ENG: variants seen among roughly 807,000 people sequenced by gnomAD.
ENG encodes CD105 antigen.
A neutral mutation model predicts 71.0 loss-of-function variants in ENG; 17 were observed. That is an observed-to-expected ratio of 0.24 (90% CI 0.16 to 0.36). ENG has a LOEUF of 0.36. ENG is among the 10% of genes least tolerant of loss of function. ENG has a pLI of 1.00. For synonymous variants in ENG, 360 were observed against 366.9 expected, an observed-to-expected ratio of 0.98 and a Z score of 0.21; for missense variants, 749 against 868.3, an observed-to-expected ratio of 0.86 and a Z score of 1.73.
chr9:127,818,109 G>T lies in ENG; in HGVS notation c.1686+11C>A. On this transcript the variant is annotated intron_variant, in intron 12 of 14. Coordinates refer to ENST00000373203, the MANE Select transcript of ENG (RefSeq NM_001114753.3). ...CCACTTGAAGCTGGGGCCGGCCCAG[G>T]CCCCACTCACCTGGTCTTGAGACCC... 6.2e-7 allele frequency: 1 copy of T among 1,614,082 alleles called. No homozygotes were observed.
At chr9:127,839,664 T>A (rs1021805098) in intron 2 of ENG, among the ~76,000 whole-genome samples, 1 of 152,216 alleles carries the variant, frequency 6.6e-6, no homozygotes, top group Admixed American at 6.5e-5. Flanking sequence ...CAAACGATTC[T>A]CTTGCCTCAG....
chr9:127,819,188 C>T (rs942577280), intron 10 of ENG: 20 of 334,634 alleles, frequency 6.0e-5, no homozygotes, highest in African/African-American at 2.4e-4. Context: ...CTGCCCGCCT[C>T]GGCCTCCCAA....
intron 2 of ENG, among the ~76,000 whole-genome samples, chr9:127,837,443 G>C (rs1830925210): frequency 6.6e-6 from 1 of 152,104 alleles, no homozygotes; most frequent in African/African-American, 2.4e-5. Context: ...CTCAGCTGAG[G>C]GGGCCCCTGG....
intron 8 of ENG, among the ~76,000 whole-genome samples, chr9:127,822,784 T>C (rs1830497728): frequency 6.6e-6 from 1 of 152,200 alleles, no homozygotes; most frequent in African/African-American, 2.4e-5. Context: ...TTGGCAGCCA[T>C]TGTCTTTGTG....
At chr9:127,849,301 C>G (rs989091616) in intron 1 of ENG, among the ~76,000 whole-genome samples, 3 of 152,208 alleles carry the variant, frequency 2.0e-5, no homozygotes, top group African/African-American at 7.2e-5. Context: ...TTGAATCGCA[C>G]CCTTCTGTAG....
rs1830382951 is a variant in ENG at position 127,818,279 on chromosome 9, G to A, written c.1527C>T (p.Gly509=). ...TCACACAGTTGCCCTTGGCCGCCCG[G>A]CCCTGGATGAGTTCCACGGTGCCTC... ...PEGGTVELIQ[G]RAAKGNCVSL... Residue 509 remains glycine, a synonymous_variant, in exon 12 of 15, where the codon GGC becomes GGT. Coordinates refer to ENST00000373203, the MANE Select transcript of ENG (RefSeq NM_001114753.3). 1.9e-6 allele frequency: 3 copies of A among 1,614,158 alleles called. No individual in the cohort carries two copies. Among genetic ancestry groups the A allele is most frequent in the Admixed American group, 3.3e-5 (2 of 60,028 alleles).
chr9:127,822,194 A>G (rs978612788), intron 8 of ENG: 5 of 152,262 alleles, frequency 3.3e-5, no homozygotes, highest in African/African-American at 1.2e-4. Flanking sequence ...CCAAGCCTCA[A>G]TGATAAGGAG....
At chr9:127,843,050 A>G in intron 2 of ENG, 44 bp downstream of exon 2, 5 of 1,612,814 alleles carry the variant, frequency 3.1e-6, no homozygotes, top group Non-Finnish European at 4.2e-6. Context: ...TCTGCCTTGG[A>G]GCTTCCTCTG....
chr9:127,837,079 C>T (rs975425265), intron 2 of ENG, among the ~76,000 whole-genome samples: 6 of 152,180 alleles, frequency 3.9e-5, no homozygotes, highest in Admixed American at 6.5e-5. Flanking sequence ...TGAGACACCA[C>T]GCCTGGCCTG....
At chr9:127,821,117 A>AT (rs898089971) in intron 8 of ENG, 1 of 152,034 alleles carries the variant, frequency 6.6e-6, no homozygotes, top group African/African-American at 2.4e-5. Flanking sequence ...AAGCAAACTT[A>AT]TTGCACTGCC....
chr9:127,837,089 G>A (rs948921284), intron 2 of ENG, among the ~76,000 whole-genome samples: 2 of 152,172 alleles, frequency 1.3e-5, no homozygotes, highest in African/African-American at 4.8e-5. Flanking sequence ...CGCCTGGCCT[G>A]GTTGGCTTTT....
At chr9:127,850,824 T>A (rs1831266562) in intron 1 of ENG, among the ~76,000 whole-genome samples, 1 of 152,198 alleles carries the variant, frequency 6.6e-6, no homozygotes, top group African/African-American at 2.4e-5. Context: ...CAGGAAAAGG[T>A]GCACGTACCA....
intron 1 of ENG, among the ~76,000 whole-genome samples, chr9:127,851,762 C>T (rs1831291269): frequency 6.6e-6 from 1 of 151,960 alleles, no homozygotes; most frequent in African/African-American, 2.4e-5. Context: ...CCTGTAGTCC[C>T]AGCTACTCGA....
intron 12 of ENG, 164 bp downstream of exon 12, chr9:127,817,956 G>T: frequency 2.7e-6 from 3 of 1,120,366 alleles, no homozygotes; most frequent in Non-Finnish European, 3.8e-6. Flanking sequence ...CTCTCGGGTG[G>T]CAGAAAGTGC....
At chr9:127,824,536 T>G in intron 7 of ENG, 90 bp from the exon 8 acceptor site, 1 of 1,226,502 alleles carries the variant, frequency 8.2e-7, no homozygotes, top group Non-Finnish European at 1.1e-6. Context: ...TTTTTTTTTT[T>G]GAGACGGAGT....
chr9:127,841,598 G>A (rs1167688659), intron 2 of ENG, among the ~76,000 whole-genome samples: 3 of 152,230 alleles, frequency 2.0e-5, no homozygotes, highest in Non-Finnish European at 2.9e-5. Context: ...GCAGGGCGGT[G>A]GGGAGCAGGG....
intron 8 of ENG, among the ~76,000 whole-genome samples, chr9:127,820,717 TACTCGGGAGGCTGAGGC>T (rs1475359480): frequency 6.6e-6 from 1 of 150,888 alleles, no homozygotes; most frequent in Non-Finnish European, 1.5e-5. Flanking sequence ...TAGTCCCAGC[TACTCGGGAGGCTGAGGC>T]AGGAAAATGG....
In ENG at chr9:127,825,343, G is replaced by A. The variant is rs1361480439; in HGVS notation, c.704C>T (p.Thr235Met). 6.8e-6 allele frequency: 11 copies of A among 1,610,236 alleles called. No homozygotes were observed. Among genetic ancestry groups the A allele is most frequent in the South Asian group, 5.5e-5 (5 of 90,884 alleles). The change falls in exon 6 of 15, where the codon ACG becomes ATG. Residue 235 changes from threonine (T) to methionine (M), a missense_variant. Physicochemically the swap from Thr to Met is moderately conservative, Grantham distance 81 (BLOSUM62 -1). Transcript: ENST00000373203. The stretch of plus-strand genomic sequence containing the variant: ...TGCGCAGCTCAGTTCCACCTTCACC[G>A]TCACCGTCCGGGGCCTGCGGGGAGA... ...PGHSAGPRTVTVKVELSCAPG... is the reference protein window; with the variant it reads ...PGHSAGPRTVMVKVELSCAPG...
intron 10 of ENG, chr9:127,819,335 C>A (rs1338216113): frequency 6.6e-6 from 3 of 454,788 alleles, no homozygotes; most frequent in Non-Finnish European, 4.1e-6. Flanking sequence ...CCCAGAAGCA[C>A]CCTGTGGCGC....
Sources: allele counts gnomAD v4.1 joint callset (sites outside exome capture counted in the v4.1 genomes callset), GRCh38; gene constraint gnomAD v4.1.1; transcripts MANE v1.5; gene names NCBI Gene and HGNC (gene_info 2026-07-23, HGNC 2026-07-21).